The following SPPL2A variants were observed in gnomAD, a reference collection of about 807,000 sequenced individuals.
SPPL2A encodes signal peptide peptidase-like 2A.
SPPL2A carries 51 observed loss-of-function variants against 63.8 expected under a neutral mutation model. The observed-to-expected ratio is 0.80, with a 90% CI of 0.64 to 1.01. The LOEUF (loss-of-function observed/expected upper bound fraction) is 1.01, where lower values mean the gene tolerates loss of function less well. Among genes scored for constraint, SPPL2A ranks in the 50% least tolerant of loss-of-function variants. The pLI, the probability that SPPL2A is intolerant of heterozygous loss-of-function variation, is 0.00. For missense variants in SPPL2A, 553 were observed against 622.7 expected (o/e 0.89, Z 1.19); for synonymous variants, 188 against 205.8 (o/e 0.91, Z 0.74).
At chr15:50,743,115 AC>A (rs1445382191) in intron 5 of SPPL2A, 1 of 152,066 alleles carries the variant, frequency 6.6e-6, no homozygotes, top group Non-Finnish European at 1.5e-5. Flanking sequence ...CTACTAAAAT[AC>A]AAAAATTAGT....
Position 50,707,714 on chromosome 15 carries a change from T to C in SPPL2A, c.*86A>G. On this transcript the variant is annotated 3_prime_UTR_variant, in exon 15 of 15. Transcript: ENST00000261854. Reference sequence around the variant, plus strand: ...TGCAAGCATATCATTGAAGACTCTTTCAGATTGTCAATTCAAAAGTCAATT... The same window carrying C: ...TGCAAGCATATCATTGAAGACTCTTCCAGATTGTCAATTCAAAAGTCAATT... The C allele has an allele frequency of 1.4e-6, 1 of 736,794 alleles. No individual in the cohort carries two copies. The highest frequency in any genetic ancestry group is 2.2e-5 in the Admixed American group (1 of 46,028). The allele number at this position is 736,794 out of a possible 1,614,324, so 45.6% of individuals were successfully genotyped here.
At chr15:50,734,582 A>G (rs1045222180) in intron 8 of SPPL2A, among the ~76,000 whole-genome samples, 2 of 152,212 alleles carry the variant, frequency 1.3e-5, no homozygotes, top group African/African-American at 4.8e-5. Flanking sequence ...AAATATAGCT[A>G]AATAAAATAA....
At position 50,703,356 on chromosome 15, in the gene SPPL2A, A is replaced by ATATTTTTT. The variant is rs1196710672; in HGVS notation, c.*4443_*4444insAAAAAATA. 1.6e-4 allele frequency: 10 copies of ATATTTTTT among 62,042 alleles called. No individual in the cohort carries two copies. The highest frequency in any genetic ancestry group is 3.5e-4 in the African/African-American group (5 of 14,240). 3.8% of individuals were successfully genotyped at this position (62,042 alleles called of 1,614,324 possible). ...TATATATATATATATACATATATAT[A>ATATTTTTT]TTTTTTTTTTTTTTTTTTTTTTTTG... On this transcript the variant is annotated 3_prime_UTR_variant, in exon 15 of 15. Coordinates refer to ENST00000261854, the MANE Select transcript of SPPL2A (RefSeq NM_032802.4).
intron 9 of SPPL2A, 62 bp downstream of exon 9, chr15:50,732,541 C>A: frequency 1.0e-6 from 1 of 996,066 alleles, no homozygotes; most frequent in Non-Finnish European, 1.5e-6. Flanking sequence ...GTAAATTATG[C>A]CTTAATAAAG....
At chr15:50,752,172 T>C (rs929808894) in intron 1 of SPPL2A, among the ~76,000 whole-genome samples, 1 of 151,918 alleles carries the variant, frequency 6.6e-6, no homozygotes, top group African/African-American at 2.4e-5. Context: ...TCCCCTACCA[T>C]CTTTTAGTAT....
At chr15:50,736,242 T>A (rs2141039726) in intron 7 of SPPL2A, 40 bp from the exon 8 acceptor site, 1 of 1,106,566 alleles carries the variant, frequency 9.0e-7, no homozygotes, top group Non-Finnish European at 1.4e-6. Flanking sequence ...GCAGATGAAG[T>A]ACAATGTTCA....
chr15:50,757,057 C>A (rs1408900765), intron 1 of SPPL2A, among the ~76,000 whole-genome samples: 1 of 151,904 alleles, frequency 6.6e-6, no homozygotes, highest in Non-Finnish European at 1.5e-5. Context: ...CCTCTAATAA[C>A]CAATCAGTTC....
chr15:50,734,169 G>C (rs1364563607), intron 8 of SPPL2A, among the ~76,000 whole-genome samples: 1 of 152,084 alleles, frequency 6.6e-6, no homozygotes, highest in African/African-American at 2.4e-5. Flanking sequence ...AAGGAACTCA[G>C]TATATCAAAG....
intron 6 of SPPL2A, among the ~76,000 whole-genome samples, chr15:50,739,184 T>TTC: frequency 6.6e-6 from 1 of 150,432 alleles, no homozygotes; most frequent in South Asian, 2.1e-4. Flanking sequence ...TTTTTTTTTT[T>TTC]TTTTTTTTTT....
At chr15:50,740,447 A>AAAAAAAAAAG (rs1567161300) in intron 5 of SPPL2A, among the ~76,000 whole-genome samples, 37 of 128,340 alleles carry the variant, frequency 2.9e-4, no homozygotes, top group Non-Finnish European at 5.4e-4. Flanking sequence ...AAAAAAAAAG[A>AAAAAAAAAAG]AAAAAAAAAG....
At chr15:50,728,780 C>A (rs1464453848) in intron 10 of SPPL2A, among the ~76,000 whole-genome samples, 1 of 151,054 alleles carries the variant, frequency 6.6e-6, no homozygotes, top group African/African-American at 2.4e-5. Context: ...GTAGCTGGGA[C>A]TACAGGCGTG....
At position 50,736,090 on chromosome 15, in the gene SPPL2A, A is replaced by C. The variant is rs761043262; in HGVS notation, c.932+11T>G. On this transcript the variant is annotated intron_variant, in intron 8 of 14. Transcript: ENST00000261854. ...CCTTAATCTAAAAGCAAATACATTGAGTATTCATACCTGTCTTCATTTCGA... is the reference window on the plus strand; with the variant it reads ...CCTTAATCTAAAAGCAAATACATTGCGTATTCATACCTGTCTTCATTTCGA... 31 of 1,466,322 alleles carry C rather than the reference A, an allele frequency of 2.1e-5. No homozygotes were observed. The highest frequency in any genetic ancestry group is 3.0e-5 in the Non-Finnish European group (31 of 1,047,704). The allele number at this position is 1,466,322 out of a possible 1,614,324, so 90.8% of individuals were successfully genotyped here.
intron 14 of SPPL2A, among the ~76,000 whole-genome samples, chr15:50,709,694 G>A (rs1053028073): frequency 6.6e-6 from 1 of 152,080 alleles, no homozygotes; most frequent in Non-Finnish European, 1.5e-5. Context: ...GGAGACTGAG[G>A]TGGGAGAATT....
At chr15:50,761,836 G>A (rs2063014031) in intron 1 of SPPL2A, among the ~76,000 whole-genome samples, 2 of 151,938 alleles carry the variant, frequency 1.3e-5, no homozygotes, top group Non-Finnish European at 2.9e-5. Flanking sequence ...GGAGACTGAG[G>A]CAGGAGAATT....
chr15:50,704,738 A>G lies in SPPL2A; in HGVS notation c.*3062T>C, dbSNP rs2062497217. 6.6e-6 allele frequency: 1 copy of G among 152,172 alleles called. No homozygotes were observed. The highest frequency in any genetic ancestry group is 1.5e-5 in the Non-Finnish European group (1 of 68,036). 9.4% of individuals were successfully genotyped at this position (152,172 alleles called of 1,614,324 possible). On this transcript the variant is annotated 3_prime_UTR_variant, in exon 15 of 15. Coordinates refer to ENST00000261854, the MANE Select transcript of SPPL2A (RefSeq NM_032802.4). ...CCAAATAAAATATTTCTGTACTTTA[A>G]TTTCTTAATCACTATTGTCAGCTTG...
At chr15:50,708,702 C>CA (rs201244377) in intron 14 of SPPL2A, among the ~76,000 whole-genome samples, 56,608 of 128,464 alleles carry the variant, frequency 0.44, 11,785 homozygotes, top group Admixed American at 0.52. Flanking sequence ...GAGACTCTGT[C>CA]AAAAAAAAAA....
intron 11 of SPPL2A, 126 bp downstream of exon 11, chr15:50,726,195 G>T: frequency 6.8e-7 from 1 of 1,468,800 alleles, no homozygotes; most frequent in Non-Finnish European, 9.3e-7. Flanking sequence ...TATATTTTCT[G>T]AGAAATAAGT....
chr15:50,709,105 T>TA, intron 14 of SPPL2A, among the ~76,000 whole-genome samples: 1 of 152,118 alleles, frequency 6.6e-6, no homozygotes, highest in East Asian at 1.9e-4. Flanking sequence ...TATATTCTCA[T>TA]AAAAAATTGT....
rs1190521860 is a variant in SPPL2A at position 50,722,087 on chromosome 15, A to C, written c.1327+37T>G. 12 of 1,086,670 alleles carry C rather than the reference A, an allele frequency of 1.1e-5. 1 individual carries two copies. The highest frequency in any genetic ancestry group is 1.0e-4 in the South Asian group (8 of 79,854). 67.3% of individuals were successfully genotyped at this position (1,086,670 alleles called of 1,614,324 possible). On this transcript the variant is annotated intron_variant, in intron 13 of 14. Transcript: ENST00000261854. ...CTCTGTCTTTTCCTCCAGACAATAC[A>C]ATTCAACATTTAATACAAAGAAAAA...
Sources: gnomAD v4.1 joint callset for allele counts (sites outside exome capture counted in the v4.1 genomes callset) on GRCh38, gnomAD v4.1.1 for gene constraint, MANE v1.5 for transcripts, NCBI Gene and HGNC (gene_info 2026-07-23, HGNC 2026-07-21) for gene names.